FMNL2: variants seen among roughly 807,000 people sequenced by gnomAD.
FMNL2 encodes the protein formin-like protein 2.
FMNL2 carries 51 observed loss-of-function variants against 130.2 expected under a neutral mutation model. The ratio of observed to expected loss-of-function variants is 0.39; its 90% CI spans 0.31 to 0.49. The LOEUF is 0.49. Among genes scored for constraint, FMNL2 ranks in the 20% least tolerant of loss-of-function variants. FMNL2 has a pLI of 0.85. For missense variants in FMNL2, 977 were observed against 1,316.2 expected (o/e 0.74, Z 3.99); for synonymous variants, 465 against 467.1 (o/e 1.00, Z 0.06).
chr2:152,407,215 C>T (rs1312584785), intron 1 of FMNL2, among the ~76,000 whole-genome samples: 1 of 150,600 alleles, frequency 6.6e-6, no homozygotes, highest in East Asian at 1.9e-4. Context: ...TTTTCTTTCC[C>T]CCTGAAGCTT....
At chr2:152,566,394 G>A (rs749316949) in intron 6 of FMNL2, among the ~76,000 whole-genome samples, 11 of 152,166 alleles carry the variant, frequency 7.2e-5, no homozygotes, top group Admixed American at 7.2e-4. Context: ...ACAGTTTACT[G>A]CCTCTGTGAG....
At chr2:152,400,675 A>T (rs1057166749) in intron 1 of FMNL2, among the ~76,000 whole-genome samples, 1 of 152,126 alleles carries the variant, frequency 6.6e-6, no homozygotes, top group African/African-American at 2.4e-5. Flanking sequence ...CTATTTATGC[A>T]TTTGGGACCA....
intron 1 of FMNL2, among the ~76,000 whole-genome samples, chr2:152,513,157 G>C (rs925369858): frequency 6.6e-6 from 1 of 152,140 alleles, no homozygotes; most frequent in African/African-American, 2.4e-5. Context: ...AATGGAGACA[G>C]GTTCTGAGAA....
rs192409166 is a variant in FMNL2 at position 152,471,351 on chromosome 2, A to G, written c.118-50592A>G. Among the ~76,000 whole-genome samples the G allele has an allele frequency of 3.3e-4, 51 of 152,344 alleles. 1 individual carries two copies. Among genetic ancestry groups the G allele is most frequent in the Admixed American group, 7.8e-4 (12 of 15,302 alleles). ...TTTACAAAACAAAGTGAGGCTGTTC[A>G]GCCCTTCATTTTGATCCTCTGAGGA... On this transcript the variant is annotated intron_variant, in intron 1 of 25. Transcript: ENST00000288670.
chr2:152,371,843 A>C (rs959043861), intron 1 of FMNL2, among the ~76,000 whole-genome samples: 3 of 152,058 alleles, frequency 2.0e-5, no homozygotes, highest in Admixed American at 6.6e-5. Flanking sequence ...ATGAGCTAGC[A>C]GACTTAGCCC....
chr2:152,459,300 C>T (rs1294635182), intron 1 of FMNL2, among the ~76,000 whole-genome samples: 1 of 152,182 alleles, frequency 6.6e-6, no homozygotes, highest in East Asian at 1.9e-4. Context: ...CTGAACCAAG[C>T]ATTTTTGGAA....
At chr2:152,503,293 G>A (rs1338067997) in intron 1 of FMNL2, among the ~76,000 whole-genome samples, 1 of 152,134 alleles carries the variant, frequency 6.6e-6, no homozygotes, top group Non-Finnish European at 1.5e-5. Context: ...GGAAACATCA[G>A]GGCTATAGGA....
At chr2:152,390,685 A>C in intron 1 of FMNL2, 1 of 773,334 alleles carries the variant, frequency 1.3e-6, no homozygotes. Flanking sequence ...CAACCATCCA[A>C]CCTTCTTTCC....
At chr2:152,566,923 G>A (rs1024002821) in intron 6 of FMNL2, among the ~76,000 whole-genome samples, 1 of 152,186 alleles carries the variant, frequency 6.6e-6, no homozygotes, top group Admixed American at 6.5e-5. Context: ...TCTGAGCGGA[G>A]GTTCAGTGGT....
chr2:152,569,915 G>T (rs1345285710), intron 6 of FMNL2, among the ~76,000 whole-genome samples: 1 of 151,668 alleles, frequency 6.6e-6, no homozygotes, highest in Non-Finnish European at 1.5e-5. Flanking sequence ...GGAGGCTGAG[G>T]CAGGAGAATT....
chr2:152,440,474 C>T (rs1286695117), intron 1 of FMNL2, among the ~76,000 whole-genome samples: 6 of 152,180 alleles, frequency 3.9e-5, no homozygotes, highest in Non-Finnish European at 5.9e-5. Flanking sequence ...GGAAATGGCC[C>T]GCTTGACTGT....
At chr2:152,536,492 C>T in intron 2 of FMNL2, among the ~76,000 whole-genome samples, 1 of 152,190 alleles carries the variant, frequency 6.6e-6, no homozygotes, top group East Asian at 1.9e-4. Context: ...AGGAAGAAAA[C>T]ATTCAAGTGT....
chr2:152,414,361 A>G (rs143903343), intron 1 of FMNL2, among the ~76,000 whole-genome samples: 2 of 152,104 alleles, frequency 1.3e-5, no homozygotes, highest in Non-Finnish European at 2.9e-5. Context: ...CTTATTTCCT[A>G]CTTGAATCTC....
intron 1 of FMNL2, among the ~76,000 whole-genome samples, chr2:152,499,739 T>C (rs1044051615): frequency 1.6e-4 from 24 of 152,178 alleles, no homozygotes; most frequent in African/African-American, 5.3e-4. Context: ...GACTTGGGAT[T>C]CTAACAAAAT....
At chr2:152,446,281 TA>T (rs902769764) in intron 1 of FMNL2, among the ~76,000 whole-genome samples, 29 of 152,306 alleles carry the variant, frequency 1.9e-4, no homozygotes, top group African/African-American at 6.0e-4. Context: ...GTCTAATAAA[TA>T]TTTTTTTTAG....
intron 1 of FMNL2, among the ~76,000 whole-genome samples, chr2:152,499,714 A>G (rs1579818103): frequency 6.6e-6 from 1 of 152,318 alleles, no homozygotes; most frequent in East Asian, 1.9e-4. Flanking sequence ...GGCAGGCTCA[A>G]CCATCAGCCT....
At chr2:152,352,644 G>T (rs911908808) in intron 1 of FMNL2, among the ~76,000 whole-genome samples, 2 of 151,796 alleles carry the variant, frequency 1.3e-5, no homozygotes, top group African/African-American at 4.8e-5. Flanking sequence ...CAGATAAAAT[G>T]AGAACTGGAT....
At chr2:152,395,876 C>T (rs1027746816) in intron 1 of FMNL2, among the ~76,000 whole-genome samples, 69 of 27,796 alleles carry the variant, frequency 2.5e-3, no homozygotes, top group Non-Finnish European at 3.4e-3. Context: ...AGGTGGGAGT[C>T]GTAGAGTGGT....
intron 6 of FMNL2, among the ~76,000 whole-genome samples, chr2:152,571,818 G>T (rs1696182724): frequency 6.6e-6 from 1 of 152,136 alleles, no homozygotes; most frequent in Admixed American, 6.5e-5. Context: ...ACAGCATCAT[G>T]TATATACATT....
Sources: gnomAD v4.1 joint callset for allele counts (sites outside exome capture counted in the v4.1 genomes callset) on GRCh38, gnomAD v4.1.1 for gene constraint, MANE v1.5 for transcripts, NCBI Gene and HGNC (gene_info 2026-07-23, HGNC 2026-07-21) for gene names.